PICALM: variants seen among roughly 807,000 people sequenced by gnomAD.
PICALM encodes phosphatidylinositol binding clathrin assembly protein, also known as phosphatidylinositol-binding clathrin assembly protein.
PICALM carries 40 observed loss-of-function variants against 80.5 expected under a neutral mutation model. That is an observed-to-expected ratio of 0.50 (90% CI 0.39 to 0.65). The LOEUF (loss-of-function observed/expected upper bound fraction) is 0.65. PICALM is among the 30% of genes least tolerant of loss of function. The pLI is 0.00. For missense variants in PICALM, 676 were observed against 778.9 expected, an observed-to-expected ratio of 0.87 and a Z score of 1.57; for synonymous variants, 288 against 260.3, an observed-to-expected ratio of 1.11 and a Z score of -1.02.
chr11:85,972,879 G>A (rs2094153291), intron 19 of PICALM, among the ~76,000 whole-genome samples: 1 of 152,102 alleles, frequency 6.6e-6, no homozygotes, highest in South Asian at 2.1e-4. Context: ...ACAACAGATA[G>A]GGAAATCATC....
At chr11:86,018,102 T>G (rs1456602630) in intron 4 of PICALM, among the ~76,000 whole-genome samples, 1 of 152,224 alleles carries the variant, frequency 6.6e-6, no homozygotes, top group African/African-American at 2.4e-5. Context: ...TCTCATCTAA[T>G]TGGTGTGAAG....
chr11:86,067,868 T>C (rs2096468263), intron 1 of PICALM, among the ~76,000 whole-genome samples: 1 of 152,060 alleles, frequency 6.6e-6, no homozygotes, highest in African/African-American at 2.4e-5. Flanking sequence ...CAGTCAAAAG[T>C]ATGGACAACA....
In PICALM at chr11:86,069,050, A is replaced by C. The variant is rs1207301008; in HGVS notation, c.-270T>G. ...CTTCCCGGGTCAGCTGGAGCCGGGC[A>C]GGGTAAGAGGAACAGGCAGCTGCAG... is the stretch of plus-strand genomic sequence containing the variant. On this transcript the variant is annotated 5_prime_UTR_variant, in exon 1 of 20. Transcript: ENST00000393346. 4.8e-6 allele frequency: 2 copies of C among 416,172 alleles called. No individual in the cohort carries two copies. Among genetic ancestry groups the C allele is most frequent in the African/African-American group, 4.1e-5 (2 of 48,582 alleles). 25.8% of individuals were successfully genotyped at this position (416,172 alleles called of 1,614,324 possible).
At chr11:85,969,737 T>C (rs2094035266) in intron 19 of PICALM, 2 of 331,458 alleles carry the variant, frequency 6.0e-6, no homozygotes, top group Non-Finnish European at 1.2e-5. Context: ...CAGGTTGGTC[T>C]GGAACTCCTG....
At chr11:85,994,986 G>A (rs1254774093) in intron 12 of PICALM, among the ~76,000 whole-genome samples, 2 of 152,174 alleles carry the variant, frequency 1.3e-5, no homozygotes, top group African/African-American at 4.8e-5. Flanking sequence ...TTACAGGTGT[G>A]AGCCATCGCA....
At chr11:86,062,802 T>C (rs1161289178) in intron 1 of PICALM, among the ~76,000 whole-genome samples, 2 of 152,026 alleles carry the variant, frequency 1.3e-5, no homozygotes, top group African/African-American at 4.8e-5. Context: ...TACTAAAAGG[T>C]CAAGTCCAAA....
intron 1 of PICALM, among the ~76,000 whole-genome samples, chr11:86,052,656 T>C (rs2096209037): frequency 6.6e-6 from 1 of 152,202 alleles, no homozygotes. Context: ...TCCTTGCCTT[T>C]CCTGTTTTCA....
intron 3 of PICALM, among the ~76,000 whole-genome samples, chr11:86,023,859 G>A (rs1310156908): frequency 2.6e-5 from 4 of 152,146 alleles, no homozygotes; most frequent in Non-Finnish European, 5.9e-5. Flanking sequence ...CAGGTGTGGT[G>A]GCTCATGCCT....
At chr11:86,045,598 C>T (rs150124717) in intron 1 of PICALM, among the ~76,000 whole-genome samples, 1 of 147,100 alleles carries the variant, frequency 6.8e-6, no homozygotes, top group African/African-American at 2.5e-5. Flanking sequence ...ACTAAAAAGT[C>T]TGACAATTTT....
intron 18 of PICALM, 82 bp from the exon 19 acceptor site, chr11:85,974,894 G>A: frequency 1.1e-6 from 1 of 943,278 alleles, no homozygotes; most frequent in South Asian, 1.3e-5. Context: ...CAACAGGGAT[G>A]ACAGGTCCTA....
chr11:85,960,788 A>G (rs781416073), intron 19 of PICALM: 5 of 1,198,512 alleles, frequency 4.2e-6, no homozygotes, highest in South Asian at 4.1e-5. Flanking sequence ...CTGGGGGAAA[A>G]GAAGACAGAG....
chr11:85,962,155 T>C (rs2093711129), intron 19 of PICALM, among the ~76,000 whole-genome samples: 1 of 152,058 alleles, frequency 6.6e-6, no homozygotes, highest in African/African-American at 2.4e-5. Flanking sequence ...TCAAATATCA[T>C]CCATGCAGAG....
chr11:86,017,652 A>G (rs758503047), intron 4 of PICALM, among the ~76,000 whole-genome samples: 4 of 152,228 alleles, frequency 2.6e-5, no homozygotes, highest in Non-Finnish European at 5.9e-5. Context: ...TTGCCACAGC[A>G]TACTAGTATG....
chr11:86,044,472 T>C (rs1272387773), intron 1 of PICALM, among the ~76,000 whole-genome samples: 1 of 152,240 alleles, frequency 6.6e-6, no homozygotes, highest in Non-Finnish European at 1.5e-5. Flanking sequence ...CCTCTAGTTT[T>C]ACGTATATAG....
At chr11:85,972,856 CAAGAAAA>C in intron 19 of PICALM, among the ~76,000 whole-genome samples, 1 of 152,028 alleles carries the variant, frequency 6.6e-6, no homozygotes, top group African/African-American at 2.4e-5. Context: ...AACTGTGTAT[CAAGAAAA>C]CATCTACAAC....
At chr11:86,007,520 G>T in intron 8 of PICALM, 22 bp downstream of exon 8, 2 of 1,369,336 alleles carry the variant, frequency 1.5e-6, no homozygotes, top group Non-Finnish European at 2.1e-6. Flanking sequence ...ATAGTGGATT[G>T]GTATTTTAAC....
chr11:86,032,839 C>T (rs1334233704), intron 1 of PICALM, among the ~76,000 whole-genome samples: 1 of 152,074 alleles, frequency 6.6e-6, no homozygotes, highest in Non-Finnish European at 1.5e-5. Context: ...TCTAACTTGG[C>T]CTTGATTGCT....
chr11:86,067,504 G>C (rs1204695392), intron 1 of PICALM, among the ~76,000 whole-genome samples: 1 of 152,158 alleles, frequency 6.6e-6, no homozygotes, highest in East Asian at 1.9e-4. Context: ...TTAGAAAAAA[G>C]TTACGAGGAG....
At chr11:86,040,091 C>T (rs192919472) in intron 1 of PICALM, among the ~76,000 whole-genome samples, 7 of 147,236 alleles carry the variant, frequency 4.8e-5, no homozygotes, top group East Asian at 2.0e-4. Flanking sequence ...ACATGAGGAA[C>T]GAAAGAAACA....
Sources: allele counts gnomAD v4.1 joint callset (sites outside exome capture counted in the v4.1 genomes callset), GRCh38; gene constraint gnomAD v4.1.1; transcripts MANE v1.5; gene names NCBI Gene and HGNC (gene_info 2026-07-23, HGNC 2026-07-21).